Variants in ERMARD observed in about 807,000 individuals in gnomAD.
ERMARD encodes ER membrane associated RNA degradation.
Under a neutral mutation model 83.9 loss-of-function variants are expected in ERMARD, and 71 were observed. That is an observed-to-expected ratio of 0.85 (90% CI 0.70 to 1.03). The LOEUF is 1.03. Among genes scored for constraint, ERMARD ranks in the 50% least tolerant of loss-of-function variants. The probability of loss-of-function intolerance (pLI) is 0.00; values close to 1 mark genes in which losing one functional copy is unlikely to be tolerated. For missense variants in ERMARD, 838 were observed against 810.9 expected (o/e 1.03, Z -0.41); for synonymous variants, 284 against 298.6 (o/e 0.95, Z 0.50).
At chr6:169,754,451 T>C (rs1206542952) in intron 2 of ERMARD, among the ~76,000 whole-genome samples, 2 of 152,172 alleles carry the variant, frequency 1.3e-5, no homozygotes, top group East Asian at 1.9e-4. Context: ...AATTTAATAA[T>C]AGTTATAAAA....
intron 8 of ERMARD, among the ~76,000 whole-genome samples, chr6:169,762,206 C>T (rs967526015): frequency 3.3e-5 from 5 of 152,284 alleles, no homozygotes; most frequent in African/African-American, 7.2e-5. Flanking sequence ...CCGCCTCAGC[C>T]TCCTGTGTAG....
chr6:169,779,267 A>G lies in ERMARD; in HGVS notation c.1825A>G (p.Asn609Asp), dbSNP rs758957374. The G allele has an allele frequency of 3.7e-6, 6 of 1,614,078 alleles. No homozygotes were observed. The African/African-American group carries it at 5.3e-5, about 14-fold the overall frequency. Residue 609 changes from asparagine to aspartate, a missense_variant, in exon 17 of 18, where the codon AAT becomes GAT. Physicochemically the swap from Asn to Asp is conservative, Grantham distance 23. Coordinates refer to ENST00000366773, the MANE Select transcript of ERMARD (RefSeq NM_018341.3). ...LVNIHAVCGK[N>D]AHEYQQYLKF... is the part of the protein sequence containing the mutation. ...CAACATTCATGCTGTTTGTGGGAAG[A>G]ATGCGCATGAGTATCAGCAGTACCT...
chr6:169,768,007 A>C (rs1220000914), intron 10 of ERMARD, 96 bp from the exon 11 acceptor site: 2 of 968,744 alleles, frequency 2.1e-6, no homozygotes, highest in Admixed American at 2.1e-5. Context: ...TTAGATAACA[A>C]GTTAGGCTAA....
chr6:169,778,237 T>C (rs1793816542), intron 16 of ERMARD, among the ~76,000 whole-genome samples: 1 of 152,252 alleles, frequency 6.6e-6, no homozygotes, highest in South Asian at 2.1e-4. Flanking sequence ...GAAACAATGT[T>C]GAATGAAATG....
At chr6:169,769,435 T>G (rs1447104201) in intron 11 of ERMARD, 105 bp from the exon 12 acceptor site, 1 of 1,071,654 alleles carries the variant, frequency 9.3e-7, no homozygotes, top group Non-Finnish European at 1.3e-6. Flanking sequence ...ACCCAGGGCT[T>G]CAGAGGACTT....
chr6:169,773,833 G>T (rs1282644184), intron 13 of ERMARD, among the ~76,000 whole-genome samples: 3 of 152,198 alleles, frequency 2.0e-5, no homozygotes, highest in Non-Finnish European at 4.4e-5. Context: ...CTGCCAGGAG[G>T]CTCCAATTTG....
chr6:169,780,889 G>A (rs1489047880), intron 17 of ERMARD, among the ~76,000 whole-genome samples: 2 of 152,168 alleles, frequency 1.3e-5, no homozygotes, highest in Non-Finnish European at 2.9e-5. Flanking sequence ...ATCTCATTGC[G>A]AAACCCACAT....
In ERMARD at chr6:169,781,341, C is replaced by T. The variant is rs757650418; in HGVS notation, c.1865C>T (p.Ser622Leu). ...TTTTTTTTTTACAGGTTTGTAAAGT[C>T]GATCTTGCAGTACACGGAGAACCTG... ...EYQQYLKFVK[S>L]ILQYTENLVA... Residue 622 changes from serine to leucine, a missense_variant, in exon 18 of 18, where the codon TCG becomes TTG. Transcript: ENST00000366773. 13 of 1,597,590 alleles carry T rather than the reference C, an allele frequency of 8.1e-6. No homozygotes were observed. In the East Asian group the frequency reaches 1.3e-4, roughly 17 times the overall value.
intron 15 of ERMARD, 185 bp from the exon 16 acceptor site, chr6:169,776,270 T>G (rs1334247960): frequency 1.3e-6 from 2 of 1,548,818 alleles, no homozygotes; most frequent in Admixed American, 3.9e-5. Flanking sequence ...GAATGCCACA[T>G]TCTGTTTGCC....
chr6:169,753,941 CAG>C lies in ERMARD; in HGVS notation c.88_89del (p.Glu30LysfsTer3). On this transcript the variant is annotated frameshift_variant, in exon 2 of 18. Coordinates refer to ENST00000366773, the MANE Select transcript of ERMARD (RefSeq NM_018341.3). LOFTEE classifies it high-confidence loss of function. ...DIICNLGFQL[R>X]ENCDINSIVT... ...TAATTTGTAATCTTGGGTTTCAACT[CAG>C]AGAAAATTGTGATATCAATAGCATT... 1 of 1,613,684 alleles carries C rather than the reference CAG, an allele frequency of 6.2e-7. No homozygotes were observed. Among genetic ancestry groups the C allele is most frequent in the Non-Finnish European group, 8.5e-7 (1 of 1,179,810 alleles).
Position 169,776,563 on chromosome 6 carries a change from C to G in ERMARD, c.1629C>G (p.Cys543Trp). ...LVVLRSISEQ[C>W]RRVSSQVTVA... ...TGCTCCGAAGCATCAGCGAACAGTGCCGCCGTGTGTCCAGCCAGGTCACCG... is the reference window on the plus strand; with the variant it reads ...TGCTCCGAAGCATCAGCGAACAGTGGCGCCGTGTGTCCAGCCAGGTCACCG... Residue 543 changes from cysteine to tryptophan, a missense_variant, in exon 16 of 18, where the codon TGC becomes TGG. By Grantham distance (215) the Cys-to-Trp change is radical. Coordinates refer to ENST00000366773, the MANE Select transcript of ERMARD (RefSeq NM_018341.3). The G allele has an allele frequency of 6.2e-7, 1 of 1,614,206 alleles. No homozygotes were observed.
chr6:169,762,590 A>T, intron 9 of ERMARD, 59 bp downstream of exon 9: 1 of 1,441,422 alleles, frequency 6.9e-7, no homozygotes, highest in Non-Finnish European at 9.6e-7. Flanking sequence ...GTTTTCTGTT[A>T]CCAATTAAAA....
intron 10 of ERMARD, 107 bp downstream of exon 10, chr6:169,766,774 A>AGTAATATAACCCAGGAAATGTC: frequency 8.2e-7 from 1 of 1,224,986 alleles, no homozygotes; most frequent in East Asian, 2.7e-5. Flanking sequence ...TCATATACTT[A>AGTAATATAACCCAGGAAATGTC]CAGGAAAATG....
In ERMARD at chr6:169,768,136, A is replaced by G. The variant is rs1200287565; in HGVS notation, c.1024A>G (p.Asn342Asp). 2 of 1,614,138 alleles carry G rather than the reference A, an allele frequency of 1.2e-6. No individual in the cohort carries two copies. Among genetic ancestry groups the G allele is most frequent in the Non-Finnish European group, 8.5e-7 (1 of 1,179,980 alleles). The change falls in exon 11 of 18, where the codon AAT becomes GAT. Residue 342 changes from asparagine to aspartate, a missense_variant. Coordinates refer to ENST00000366773, the MANE Select transcript of ERMARD (RefSeq NM_018341.3). ...AAAACACTTGAATGATGGTAAAATCAATCAGCTTCCTCTTTTCCTTGGAGA... is the reference window on the plus strand; with the variant it reads ...AAAACACTTGAATGATGGTAAAATCGATCAGCTTCCTCTTTTCCTTGGAGA... ...LAKHLNDGKI[N>D]QLPLFLGEPA...
intron 12 of ERMARD, 122 bp from the exon 13 acceptor site, chr6:169,773,197 C>A: frequency 1.3e-6 from 1 of 744,914 alleles, no homozygotes; most frequent in Non-Finnish European, 2.2e-6. Context: ...GCTTTTCTAG[C>A]TGCATAGAAT....
chr6:169,767,852 C>G lies in ERMARD; in HGVS notation c.991-251C>G, dbSNP rs138663338. On this transcript the variant is annotated intron_variant, in intron 10 of 17. Coordinates refer to ENST00000366773, the MANE Select transcript of ERMARD (RefSeq NM_018341.3). ...CATATGCACATACACATATACACAC[C>G]ACACATATTCATAGTCACATACACA... 1.6e-3 allele frequency: 851 copies of G among 521,288 alleles called. 2 individuals are homozygous for G. Among genetic ancestry groups the G allele is most frequent in the African/African-American group, 0.015 (801 of 52,342 alleles). 32.3% of individuals were successfully genotyped at this position (521,288 alleles called of 1,614,324 possible).
chr6:169,761,111 C>T (rs1324932820), intron 8 of ERMARD, among the ~76,000 whole-genome samples: 1 of 152,168 alleles, frequency 6.6e-6, no homozygotes, highest in Non-Finnish European at 1.5e-5. Flanking sequence ...CATGTATGGT[C>T]GCCACCAGAA....
intron 10 of ERMARD, chr6:169,766,979 A>G (rs1054187481): frequency 7.3e-6 from 2 of 274,548 alleles, no homozygotes; most frequent in Non-Finnish European, 1.4e-5. Flanking sequence ...TTGTACAGGA[A>G]ATATTCCCCG....
intron 14 of ERMARD, 29 bp from the exon 15 acceptor site, chr6:169,775,911 C>T (rs140936912): frequency 8.7e-6 from 14 of 1,612,286 alleles, no homozygotes; most frequent in Non-Finnish European, 1.1e-5. Context: ...TTAATTGTCA[C>T]GTATCTTTAA....
Sources: allele counts gnomAD v4.1 joint callset (sites outside exome capture counted in the v4.1 genomes callset), GRCh38; gene constraint gnomAD v4.1.1; transcripts MANE v1.5; gene names NCBI Gene and HGNC (gene_info 2026-07-23, HGNC 2026-07-21).